Variants in SIL1 observed in about 807,000 individuals in gnomAD.
SIL1 encodes nucleotide exchange factor SIL1.
Under a neutral mutation model 49.1 loss-of-function variants are expected in SIL1, and 40 were observed. The observed-to-expected ratio is 0.81, with a 90% CI of 0.63 to 1.06. The LOEUF is 1.06. Ranked by LOEUF, SIL1 falls within the 50% of genes least tolerant of loss-of-function variation. The pLI is 0.00. For missense variants in SIL1, 500 were observed against 572.6 expected, an observed-to-expected ratio of 0.87 and a Z score of 1.29; for synonymous variants, 253 against 250.8, an observed-to-expected ratio of 1.01 and a Z score of -0.08.
chr5:138,956,640 G>C (rs963789832), intron 7 of SIL1, among the ~76,000 whole-genome samples: 1 of 151,858 alleles, frequency 6.6e-6, no homozygotes, highest in Non-Finnish European at 1.5e-5. Context: ...CTACTCGGGA[G>C]GCTAAGGCAG....
chr5:139,147,675 C>A (rs984915352), intron 1 of SIL1, among the ~76,000 whole-genome samples: 2 of 152,194 alleles, frequency 1.3e-5, no homozygotes, highest in African/African-American at 4.8e-5. Flanking sequence ...CCCCACACCT[C>A]CACACTGAAC....
chr5:139,086,758 G>A (rs555980326), intron 3 of SIL1, among the ~76,000 whole-genome samples: 2 of 151,216 alleles, frequency 1.3e-5, no homozygotes, highest in Non-Finnish European at 1.5e-5. Flanking sequence ...TCAGGTGTTC[G>A]AGACCAGCCT....
At chr5:138,951,450 C>A (rs1477111548) in intron 8 of SIL1, 115 bp from the exon 9 acceptor site, 2 of 1,095,740 alleles carry the variant, frequency 1.8e-6, no homozygotes, top group Non-Finnish European at 2.6e-6. Context: ...CCGGCCCCAC[C>A]TCAGTTACAG....
At chr5:139,080,822 C>T (rs1356764842) in intron 3 of SIL1, among the ~76,000 whole-genome samples, 2 of 152,092 alleles carry the variant, frequency 1.3e-5, no homozygotes, top group East Asian at 1.9e-4. Context: ...TTTGTCTTGG[C>T]TACCAGGATG....
chr5:139,048,864 G>A (rs1769227746), intron 4 of SIL1, among the ~76,000 whole-genome samples: 2 of 152,242 alleles, frequency 1.3e-5, no homozygotes, highest in Non-Finnish European at 2.9e-5. Flanking sequence ...TTAGAAAGGA[G>A]TAATTGTCTG....
chr5:139,021,605 T>G (rs1768530345), intron 6 of SIL1, among the ~76,000 whole-genome samples: 1 of 152,186 alleles, frequency 6.6e-6, no homozygotes, highest in Admixed American at 6.5e-5. Context: ...TTGCTCCTAA[T>G]GTACAAGCTG....
chr5:139,045,889 A>G (rs1175788480), intron 4 of SIL1, among the ~76,000 whole-genome samples: 1 of 152,214 alleles, frequency 6.6e-6, no homozygotes, highest in Non-Finnish European at 1.5e-5. Flanking sequence ...CTCCAAATTC[A>G]TTCAGTCTCT....
intron 1 of SIL1, among the ~76,000 whole-genome samples, chr5:139,164,493 T>C (rs1477027631): frequency 6.6e-6 from 1 of 152,154 alleles, no homozygotes; most frequent in Non-Finnish European, 1.5e-5. Context: ...ACTGTCCCCA[T>C]GTCGTTAGTC....
At chr5:139,162,955 G>A (rs1181407415) in intron 1 of SIL1, among the ~76,000 whole-genome samples, 1 of 152,032 alleles carries the variant, frequency 6.6e-6, no homozygotes, top group East Asian at 1.9e-4. Context: ...GAACTGAGCT[G>A]AGAATGACAA....
chr5:139,097,002 G>T lies in SIL1; in HGVS notation c.244+24033C>A, dbSNP rs982735675. On this transcript the variant is annotated intron_variant, in intron 3 of 9. Coordinates refer to ENST00000394817, the MANE Select transcript of SIL1 (RefSeq NM_022464.5). ...CCAGGCCAGGCAGCATTTACCACAA[G>T]CTGACTTAAGAGCCCTTGGGCCTTA... 7.2e-5 allele frequency among the ~76,000 whole-genome samples: 11 copies of T among 152,158 alleles called. No homozygotes were observed. In the East Asian group the frequency reaches 7.8e-4, roughly 11 times the overall value.
intron 1 of SIL1, among the ~76,000 whole-genome samples, chr5:139,164,001 C>T (rs933929086): frequency 2.6e-5 from 4 of 151,978 alleles, no homozygotes; most frequent in African/African-American, 7.3e-5. Flanking sequence ...AGCCTGTAAT[C>T]CCAGCTACTC....
intron 7 of SIL1, among the ~76,000 whole-genome samples, chr5:138,962,256 T>C (rs1219465987): frequency 6.6e-6 from 1 of 152,186 alleles, no homozygotes; most frequent in Non-Finnish European, 1.5e-5. Flanking sequence ...AGTTGATTGG[T>C]TGGTTAGTTT....
intron 7 of SIL1, among the ~76,000 whole-genome samples, chr5:138,974,791 T>C (rs1179153875): frequency 6.6e-6 from 1 of 152,224 alleles, no homozygotes; most frequent in East Asian, 1.9e-4. Flanking sequence ...AATATTTTAG[T>C]GACAGCTCTT....
At chr5:139,041,303 T>G (rs1360472553) in intron 5 of SIL1, among the ~76,000 whole-genome samples, 2 of 152,190 alleles carry the variant, frequency 1.3e-5, no homozygotes, top group Non-Finnish European at 2.9e-5. Flanking sequence ...AGTAAAGACG[T>G]GGAGACTGAG....
intron 1 of SIL1, among the ~76,000 whole-genome samples, chr5:139,174,397 T>C (rs1751836910): frequency 6.6e-6 from 1 of 152,144 alleles, no homozygotes; most frequent in Admixed American, 6.5e-5. Flanking sequence ...CTTGGGAGGC[T>C]GAGGCAGAAG....
At chr5:138,950,698 G>A (rs1253603733) in intron 9 of SIL1, among the ~76,000 whole-genome samples, 1 of 152,212 alleles carries the variant, frequency 6.6e-6, no homozygotes, top group Non-Finnish European at 1.5e-5. Flanking sequence ...CCTCCCAAGT[G>A]GCAAGCAATT....
intron 3 of SIL1, among the ~76,000 whole-genome samples, chr5:139,086,446 C>T (rs920920800): frequency 3.3e-5 from 5 of 151,750 alleles, no homozygotes; most frequent in Admixed American, 1.3e-4. Context: ...CTCACTGCAA[C>T]CTCTACCTCC....
chr5:138,952,469 G>C (rs1766803864), intron 7 of SIL1, among the ~76,000 whole-genome samples: 1 of 152,180 alleles, frequency 6.6e-6, no homozygotes, highest in Admixed American at 6.5e-5. Flanking sequence ...TCCTAAAACA[G>C]GACAACCCAA....
Position 138,947,547 on chromosome 5 carries a change from A to C in SIL1, c.1030-74T>G. Reference sequence around the variant, plus strand: ...AACACACAGGGAGCAGTTAGCTCACACCTGGCTAGCTCTGCCCTTCAGACA... The same window carrying C: ...AACACACAGGGAGCAGTTAGCTCACCCCTGGCTAGCTCTGCCCTTCAGACA... On this transcript the variant is annotated intron_variant, in intron 9 of 9. Transcript: ENST00000394817. This position sits in a 1 kb window ranked among gnomAD's most constrained non-coding sequence, Gnocchi z 4.1. 7.4e-7 allele frequency: 1 copy of C among 1,353,348 alleles called. No individual in the cohort carries two copies. Among genetic ancestry groups the C allele is most frequent in the Non-Finnish European group, 1.1e-6 (1 of 944,270 alleles). 83.8% of individuals were successfully genotyped at this position (1,353,348 alleles called of 1,614,324 possible).
Sources: gnomAD v4.1 joint callset for allele counts (sites outside exome capture counted in the v4.1 genomes callset) on GRCh38, gnomAD v4.1.1 for gene constraint, Gnocchi (gnomAD v3.1) non-coding constraint, MANE v1.5 for transcripts, NCBI Gene and HGNC (gene_info 2026-07-23, HGNC 2026-07-21) for gene names.